The following HECW1 variants were observed in gnomAD, a reference collection of about 807,000 sequenced individuals.
HECW1 encodes the protein E3 ubiquitin-protein ligase HECW1.
A neutral mutation model predicts 182.3 loss-of-function variants in HECW1; 61 were observed. The observed-to-expected ratio is 0.33, with a 90% CI of 0.27 to 0.41. The LOEUF (loss-of-function observed/expected upper bound fraction) is 0.41. Among genes scored for constraint, HECW1 ranks in the 10% least tolerant of loss-of-function variants. The pLI, the probability that HECW1 is intolerant of heterozygous loss-of-function variation, is 1.00. For synonymous variants in HECW1, 859 were observed against 832.6 expected, an observed-to-expected ratio of 1.03 and a Z score of -0.55; for missense variants, 1,739 against 2,108.9, an observed-to-expected ratio of 0.82 and a Z score of 3.44.
At chr7:43,364,928 A>G (rs75066406) in intron 6 of HECW1, among the ~76,000 whole-genome samples, 24,338 of 152,060 alleles carry the variant, frequency 0.16, 2,094 homozygotes, top group Middle Eastern at 0.3. Context: ...CCCATGATAT[A>G]TTTTTCTTTC....
At chr7:43,152,035 CA>C (rs1179425514) in intron 2 of HECW1, among the ~76,000 whole-genome samples, 1 of 152,162 alleles carries the variant, frequency 6.6e-6, no homozygotes, top group Non-Finnish European at 1.5e-5. Context: ...TGTCATCAAA[CA>C]GCTCATTTAC....
intron 2 of HECW1, among the ~76,000 whole-genome samples, chr7:43,214,304 C>G (rs1243063983): frequency 6.6e-6 from 1 of 151,730 alleles, no homozygotes; most frequent in Non-Finnish European, 1.5e-5. Context: ...TTGTAACTGT[C>G]CTTGATAGGG....
intron 17 of HECW1, among the ~76,000 whole-genome samples, chr7:43,488,494 G>GAAAGAGAGAAAA (rs1554440719): frequency 6.9e-6 from 1 of 144,240 alleles, no homozygotes; most frequent in Admixed American, 6.9e-5. Flanking sequence ...GAAAGAGAAA[G>GAAAGAGAGAAAA]AAAGAAAGAA....
chr7:43,170,943 CA>C (rs1418346519), intron 2 of HECW1, among the ~76,000 whole-genome samples: 1 of 152,142 alleles, frequency 6.6e-6, no homozygotes. Context: ...GTTAGGCAGC[CA>C]GGGGAAACAT....
intron 19 of HECW1, 69 bp from the exon 20 acceptor site, chr7:43,500,630 C>T (rs1204329540): frequency 8.4e-7 from 1 of 1,183,680 alleles, no homozygotes; most frequent in East Asian, 2.3e-5. Context: ...AATAAGAGAT[C>T]AGAAGAAAAT....
At chr7:43,547,544 T>A (rs574296195) in intron 26 of HECW1, among the ~76,000 whole-genome samples, 7 of 143,760 alleles carry the variant, frequency 4.9e-5, no homozygotes, top group African/African-American at 1.7e-4. Flanking sequence ...AGACTCTGGC[T>A]CAAAGAAAAA....
At chr7:43,189,217 A>G (rs1793673704) in intron 2 of HECW1, among the ~76,000 whole-genome samples, 1 of 152,294 alleles carries the variant, frequency 6.6e-6, no homozygotes, top group East Asian at 1.9e-4. Context: ...TAAAATTGCT[A>G]CTGAAATAGG....
chr7:43,335,027 C>A (rs1811944299), intron 5 of HECW1, among the ~76,000 whole-genome samples: 2 of 152,120 alleles, frequency 1.3e-5, no homozygotes, highest in Non-Finnish European at 2.9e-5. Flanking sequence ...ACACTTAAAA[C>A]CTGCCTAACC....
chr7:43,520,625 T>A (rs549671354), intron 24 of HECW1, among the ~76,000 whole-genome samples: 1 of 151,650 alleles, frequency 6.6e-6, no homozygotes, highest in South Asian at 2.1e-4. Context: ...GAATTATTTT[T>A]TTATTATTAT....
chr7:43,438,939 T>G (rs2076794936), intron 9 of HECW1: 1 of 152,238 alleles, frequency 6.6e-6, no homozygotes, highest in African/African-American at 2.4e-5. Context: ...TAAAGTTCTT[T>G]GGATTATCAG....
Position 43,505,746 on chromosome 7 carries a change from C to T in HECW1, c.3632-1391C>T, listed in dbSNP as rs185134086. On this transcript the variant is annotated intron_variant, in intron 21 of 29. Coordinates refer to ENST00000395891, the MANE Select transcript of HECW1 (RefSeq NM_015052.5). ...CTTGACCCATGCAATCTAATTTGTG[C>T]CTATTTATTCTTTAGATTGTCCCCA... is the stretch of plus-strand genomic sequence containing the variant. 2.6e-5 allele frequency among the ~76,000 whole-genome samples: 4 copies of T among 152,302 alleles called. 1 individual carries two copies. The highest frequency in any genetic ancestry group is 9.6e-5 in the African/African-American group (4 of 41,562).
chr7:43,394,321 C>T (rs530552547), intron 6 of HECW1, among the ~76,000 whole-genome samples: 1 of 152,282 alleles, frequency 6.6e-6, no homozygotes, highest in Non-Finnish European at 1.5e-5. Flanking sequence ...ATGGGAATAA[C>T]AGACATAAAG....
rs1033177408 is a variant in HECW1 at position 43,224,017 on chromosome 7, C to G, written c.-31-19858C>G. Among the ~76,000 whole-genome samples, 15 of 152,312 alleles carry G rather than the reference C, an allele frequency of 9.8e-5. No individual in the cohort carries two copies. In the East Asian group the frequency reaches 2.7e-3, roughly 27 times the overall value. ...TCCCACATTCATGTATCATTGTCCC[C>G]AGAGTTCACATCACTTTCTACTATA... On this transcript the variant is annotated intron_variant, in intron 2 of 29. Transcript: ENST00000395891.
At chr7:43,301,922 T>C (rs1404017125) in intron 3 of HECW1, among the ~76,000 whole-genome samples, 3 of 151,000 alleles carry the variant, frequency 2.0e-5, no homozygotes. Context: ...AGACAGGATT[T>C]ACTTAAAAAT....
intron 24 of HECW1, among the ~76,000 whole-genome samples, chr7:43,515,022 A>G (rs2080078089): frequency 6.6e-6 from 1 of 152,234 alleles, no homozygotes; most frequent in Non-Finnish European, 1.5e-5. Flanking sequence ...AATGTGACCA[A>G]TGCTGTGCAT....
At chr7:43,553,881 G>A (rs9639880) in intron 28 of HECW1, among the ~76,000 whole-genome samples, 24,876 of 152,058 alleles carry the variant, frequency 0.16, 2,538 homozygotes, top group Non-Finnish European at 0.23. Context: ...CACGCTGCTC[G>A]TAGCTTCACT....
At chr7:43,227,270 A>G (rs1171867939) in intron 2 of HECW1, among the ~76,000 whole-genome samples, 1 of 151,988 alleles carries the variant, frequency 6.6e-6, no homozygotes, top group Non-Finnish European at 1.5e-5. Flanking sequence ...TGGCTATTTT[A>G]AGGAGAACAA....
chr7:43,395,524 A>G (rs2075198051), intron 6 of HECW1, among the ~76,000 whole-genome samples: 1 of 152,082 alleles, frequency 6.6e-6, no homozygotes, highest in Admixed American at 6.5e-5. Flanking sequence ...ATCAAATGAG[A>G]CTCTAAGGGA....
chr7:43,475,825 A>G lies in HECW1; in HGVS notation c.3100-3785A>G, dbSNP rs930079861. On this transcript the variant is annotated intron_variant, in intron 16 of 29. Coordinates refer to ENST00000395891, the MANE Select transcript of HECW1 (RefSeq NM_015052.5). The stretch of plus-strand genomic sequence containing the variant: ...AGATCCACCTACTTTGGCCTCCCAA[A>G]GTGCTGGGATTACAGGTGTGATGAA... 1.4e-4 allele frequency among the ~76,000 whole-genome samples: 21 copies of G among 152,332 alleles called. No homozygotes were observed. In the South Asian group the frequency reaches 4.1e-3, roughly 30 times the overall value.
Sources: allele counts gnomAD v4.1 joint callset (sites outside exome capture counted in the v4.1 genomes callset), GRCh38; gene constraint gnomAD v4.1.1; transcripts MANE v1.5; gene names NCBI Gene and HGNC (gene_info 2026-07-23, HGNC 2026-07-21).